The following MAN2A1 variants were observed in gnomAD, a reference collection of about 807,000 sequenced individuals.
The protein encoded by MAN2A1 is alpha-mannosidase 2.
In MAN2A1, 76 loss-of-function variants were observed where a neutral mutation model predicts 142.6. The ratio of observed to expected loss-of-function variants is 0.53; its 90% CI spans 0.44 to 0.65. The LOEUF (loss-of-function observed/expected upper bound fraction) is 0.65, where lower values mean the gene tolerates loss of function less well. Among genes scored for constraint, MAN2A1 ranks in the 30% least tolerant of loss-of-function variants. The pLI is 0.00. For missense variants in MAN2A1, 1,311 were observed against 1,365.1 expected (o/e 0.96, Z 0.62); for synonymous variants, 559 against 473.2 (o/e 1.18, Z -2.35).
intron 16 of MAN2A1, among the ~76,000 whole-genome samples, chr5:109,837,382 TAAAAAC>T (rs1755085743): frequency 6.6e-6 from 1 of 151,916 alleles, no homozygotes; most frequent in African/African-American, 2.4e-5. Context: ...CCTCTGCCCT[TAAAAAC>T]AAAAACAAAA....
intron 4 of MAN2A1, among the ~76,000 whole-genome samples, chr5:109,737,127 T>G (rs1371327375): frequency 7.5e-6 from 1 of 134,030 alleles, no homozygotes; most frequent in Non-Finnish European, 1.5e-5. Flanking sequence ...TGAGTCTCGC[T>G]CTGTCACCCA....
At chr5:109,738,298 C>A (rs1752166165) in intron 4 of MAN2A1, among the ~76,000 whole-genome samples, 1 of 141,170 alleles carries the variant, frequency 7.1e-6, no homozygotes, top group African/African-American at 2.6e-5. Context: ...CTCATTCATT[C>A]ATTCAACAGA....
chr5:109,695,665 A>T (rs1443980448), intron 1 of MAN2A1, among the ~76,000 whole-genome samples: 3 of 152,148 alleles, frequency 2.0e-5, no homozygotes, highest in Admixed American at 2.0e-4. Context: ...GCCTTATTGC[A>T]TTTTTTATCC....
chr5:109,867,001 C>A lies in MAN2A1; in HGVS notation c.*3C>A. ...CATTCCGAATCCAGTTGAGGTGAAC[C>A]TGACTTTCACATTTGGATTGAGAAT... On this transcript the variant is annotated 3_prime_UTR_variant, in exon 22 of 22. Coordinates refer to ENST00000261483, the MANE Select transcript of MAN2A1 (RefSeq NM_002372.4). 6.2e-7 allele frequency: 1 copy of A among 1,605,186 alleles called. No homozygotes were observed. The highest frequency in any genetic ancestry group is 2.2e-5 in the East Asian group (1 of 44,520).
At chr5:109,755,556 T>C in intron 5 of MAN2A1, 100 bp downstream of exon 5, 2 of 858,050 alleles carry the variant, frequency 2.3e-6, no homozygotes, top group African/African-American at 3.4e-5. Context: ...ATTTTCCCTG[T>C]TAGTCATTAT....
In MAN2A1 at chr5:109,822,751, C is replaced by T. The variant is rs147382818; in HGVS notation, c.2452-972C>T. On this transcript the variant is annotated intron_variant, in intron 15 of 21. Transcript: ENST00000261483. ...GGAATGCAGTGGCGCGATCTCAGCTCACTGCAAGCTCCGCCTCCTGGGTTC... is the reference window on the plus strand; with the variant it reads ...GGAATGCAGTGGCGCGATCTCAGCTTACTGCAAGCTCCGCCTCCTGGGTTC... Among the ~76,000 whole-genome samples, 1,468 of 152,112 alleles carry T rather than the reference C, an allele frequency of 9.7e-3. 23 individuals carry two copies. The highest frequency in any genetic ancestry group is 0.033 in the African/African-American group (1,383 of 41,460).
chr5:109,789,029 C>A lies in MAN2A1; in HGVS notation c.1856C>A (p.Pro619His). 1 of 1,574,340 alleles carries A rather than the reference C, an allele frequency of 6.4e-7. No homozygotes were observed. The change falls in exon 11 of 22, where the codon CCT becomes CAT. Residue 619 changes from proline to histidine, a missense_variant. This residue lies in a region of MAN2A1 where 890 missense variants were observed against 920.5 expected (regional missense o/e 0.97). Transcript: ENST00000261483. ...AAACTCACATACGACTCTTACTCTCCTGATACCTTCCTGGAGATGGTTAGT... is the reference window on the plus strand; with the variant it reads ...AAACTCACATACGACTCTTACTCTCATGATACCTTCCTGGAGATGGTTAGT... ...KDKLTYDSYS[P>H]DTFLEMDLKQ...
At position 109,847,633 on chromosome 5, in the gene MAN2A1, C is replaced by T. The variant is rs375486714; in HGVS notation, c.2843-24C>T. The T allele has an allele frequency of 1.8e-5, 26 of 1,473,046 alleles. No individual in the cohort carries two copies. In the African/African-American group the frequency reaches 3.2e-4, roughly 18 times the overall value. The allele number at this position is 1,473,046 out of a possible 1,614,324, so 91.2% of individuals were successfully genotyped here. A position where few individuals can be genotyped will look rare whatever the true frequency, so the allele number is the denominator to read the frequency against. On this transcript the variant is annotated intron_variant, in intron 18 of 21. Coordinates refer to ENST00000261483, the MANE Select transcript of MAN2A1 (RefSeq NM_002372.4). ...TATTAAATTATTCTGGTCAGTTTTG[C>T]TTGTTTGTTTGTTTGTGTGTTAGGT...
intron 3 of MAN2A1, among the ~76,000 whole-genome samples, chr5:109,721,871 C>CT (rs1751612908): frequency 6.6e-6 from 1 of 152,180 alleles, no homozygotes; most frequent in African/African-American, 2.4e-5. Flanking sequence ...CAAATAATTA[C>CT]TAACACTTAG....
intron 21 of MAN2A1, among the ~76,000 whole-genome samples, chr5:109,866,042 A>T (rs547540521): frequency 6.6e-6 from 1 of 152,208 alleles, no homozygotes; most frequent in South Asian, 2.1e-4. Flanking sequence ...GTCCAAAAAG[A>T]TAAGAAAAAT....
At chr5:109,819,922 C>T (rs1754578337) in intron 14 of MAN2A1, 35 bp downstream of exon 14, 11 of 1,399,682 alleles carry the variant, frequency 7.9e-6, no homozygotes, top group Non-Finnish European at 1.1e-5. Flanking sequence ...TCATAGAATG[C>T]TTATCATTTT....
At chr5:109,696,845 G>A (rs1750827028) in intron 1 of MAN2A1, among the ~76,000 whole-genome samples, 1 of 152,200 alleles carries the variant, frequency 6.6e-6, no homozygotes, top group Non-Finnish European at 1.5e-5. Flanking sequence ...AGCATTTTTT[G>A]ATGGGTGAAC....
At position 109,781,401 on chromosome 5, in the gene MAN2A1, G is replaced by A. The variant is rs760579708; in HGVS notation, c.1380G>A (p.Gln460=). ...GTGCATTTTTTTAAAACTAGATACA[G>A]TTTGGAACTTTATCAGATTTTTTTG... ...NSQSKFKVKI[Q]FGTLSDFFDA... The change falls in exon 9 of 22, where the codon CAG becomes CAA. Residue 460 remains glutamine (Q), a synonymous_variant. Transcript: ENST00000261483. The A allele has an allele frequency of 3.1e-6, 5 of 1,600,246 alleles. No homozygotes were observed. The highest frequency in any genetic ancestry group is 4.3e-6 in the Non-Finnish European group (5 of 1,175,000).
chr5:109,697,818 G>C (rs1329030754), intron 1 of MAN2A1, among the ~76,000 whole-genome samples: 1 of 152,222 alleles, frequency 6.6e-6, no homozygotes, highest in Non-Finnish European at 1.5e-5. Flanking sequence ...GTTAATTAAA[G>C]ACAAACAAAA....
chr5:109,697,630 A>T lies in MAN2A1; in HGVS notation c.135+7078A>T, dbSNP rs938931024. 9.2e-5 allele frequency among the ~76,000 whole-genome samples: 14 copies of T among 152,304 alleles called. No homozygotes were observed. The East Asian group carries it at 1.5e-3, about 17-fold the overall frequency. ...GTCATTCATCTACCAATTGTCTCTG[A>T]CCACTTTCACACAACAGTGGCATAG... On this transcript the variant is annotated intron_variant, in intron 1 of 21. Transcript: ENST00000261483.
At chr5:109,721,889 T>C (rs1032189432) in intron 3 of MAN2A1, among the ~76,000 whole-genome samples, 6 of 152,240 alleles carry the variant, frequency 3.9e-5, no homozygotes, top group African/African-American at 1.4e-4. Flanking sequence ...TAGGGAATTA[T>C]TATGTTCTGT....
chr5:109,832,304 AG>A (rs919303791), intron 16 of MAN2A1, among the ~76,000 whole-genome samples: 3 of 151,304 alleles, frequency 2.0e-5, no homozygotes, highest in Admixed American at 6.6e-5. Context: ...TGGTTTTCCT[AG>A]GCAGAGGACC....
At chr5:109,847,281 TCA>T (rs1755367048) in intron 18 of MAN2A1, among the ~76,000 whole-genome samples, 1 of 152,102 alleles carries the variant, frequency 6.6e-6, no homozygotes, top group Non-Finnish European at 1.5e-5. Flanking sequence ...CTAATAAACC[TCA>T]TAAGCATTTT....
intron 1 of MAN2A1, among the ~76,000 whole-genome samples, chr5:109,706,511 C>T (rs139501088): frequency 2.6e-5 from 4 of 152,248 alleles, no homozygotes; most frequent in South Asian, 2.1e-4. Context: ...AAGTTACTTC[C>T]CCAAGATCAC....
Sources: gnomAD v4.1 joint callset for allele counts (sites outside exome capture counted in the v4.1 genomes callset) on GRCh38, gnomAD v4.1.1 for gene constraint, gnomAD v4.1.1 regional missense constraint, MANE v1.5 for transcripts, NCBI Gene and HGNC (gene_info 2026-07-23, HGNC 2026-07-21) for gene names.